NMNAT2: variants seen among roughly 807,000 people sequenced by gnomAD.
NMNAT2 encodes the protein nicotinamide/nicotinic acid mononucleotide adenylyltransferase 2.
NMNAT2 carries 11 observed loss-of-function variants against 41.6 expected under a neutral mutation model. That is an observed-to-expected ratio of 0.26 (90% CI 0.17 to 0.44). NMNAT2 has a LOEUF of 0.44. Among genes scored for constraint, NMNAT2 ranks in the 20% least tolerant of loss-of-function variants. NMNAT2 has a pLI of 1.00. For synonymous variants in NMNAT2, 148 were observed against 151.2 expected, an observed-to-expected ratio of 0.98 and a Z score of 0.16; for missense variants, 288 against 407.7, an observed-to-expected ratio of 0.71 and a Z score of 2.53.
At position 183,339,228 on chromosome 1, in the gene NMNAT2, G is replaced by A. The variant is rs954020239; in HGVS notation, c.86-45435C>T. ...TTCTTCTGCCTCAGCCTCCCAAGTA[G>A]CTGGGACTACAGGTGCCTGCCACCA... On this transcript the variant is annotated intron_variant, in intron 1 of 10. Coordinates refer to ENST00000287713, the MANE Select transcript of NMNAT2 (RefSeq NM_015039.4). 2.6e-5 allele frequency among the ~76,000 whole-genome samples: 4 copies of A among 152,114 alleles called. No individual in the cohort carries two copies. The East Asian group carries it at 7.7e-4, about 29-fold the overall frequency.
intron 1 of NMNAT2, among the ~76,000 whole-genome samples, chr1:183,355,387 A>G (rs1434890333): frequency 6.6e-6 from 1 of 152,172 alleles, no homozygotes; most frequent in East Asian, 1.9e-4. Context: ...TAGGAATGCA[A>G]ATGATTGGGC....
chr1:183,285,756 T>C (rs1397391778), intron 5 of NMNAT2, among the ~76,000 whole-genome samples: 2 of 152,242 alleles, frequency 1.3e-5, no homozygotes, highest in African/African-American at 4.8e-5. Context: ...TTTTCTTCTC[T>C]GAATCTGTAT....
chr1:183,282,655 T>C (rs1661300499), intron 7 of NMNAT2, among the ~76,000 whole-genome samples: 2 of 152,118 alleles, frequency 1.3e-5, no homozygotes, highest in Non-Finnish European at 2.9e-5. Context: ...TGCAGGGAAG[T>C]GGAGTGCAGG....
At chr1:183,267,542 G>T (rs1050876957) in intron 8 of NMNAT2, among the ~76,000 whole-genome samples, 4 of 152,122 alleles carry the variant, frequency 2.6e-5, no homozygotes, top group Non-Finnish European at 5.9e-5. Flanking sequence ...TGAGATACTT[G>T]TGGGACAGGT....
intron 1 of NMNAT2, among the ~76,000 whole-genome samples, chr1:183,346,704 C>CT: frequency 6.6e-6 from 1 of 152,228 alleles, no homozygotes; most frequent in East Asian, 1.9e-4. Context: ...GTCCTCAGCC[C>CT]TTTTTTGTCT....
rs147273559 is a variant in NMNAT2, at chr1:183,273,071, C to T, written c.651+5482G>A. Among the ~76,000 whole-genome samples, 235 of 152,306 alleles carry T rather than the reference C, an allele frequency of 1.5e-3. 3 individuals are homozygous for T. In the Middle Eastern group the frequency reaches 0.031, roughly 20 times the overall value. ...AAACAGGCTTTAGCTTACATTTGTG[C>T]CAATTACCAAGTTTTGGCCAATCAA... On this transcript the variant is annotated intron_variant, in intron 8 of 10. Transcript: ENST00000287713.
intron 1 of NMNAT2, among the ~76,000 whole-genome samples, chr1:183,328,219 A>G (rs1478623750): frequency 6.6e-6 from 1 of 151,446 alleles, no homozygotes; most frequent in Non-Finnish European, 1.5e-5. Context: ...GCAGGCCAGG[A>G]CCCTGGCTTC....
intron 1 of NMNAT2, chr1:183,304,972 G>T (rs192184742): frequency 2.2e-6 from 2 of 901,082 alleles, no homozygotes; most frequent in Non-Finnish European, 3.1e-6. Flanking sequence ...ATATGCTCCC[G>T]CTTGTAGGAG....
rs1210568005 is a variant in NMNAT2, at chr1:183,248,886, A to G, written c.*3755T>C. 7.4e-6 allele frequency: 1 copy of G among 135,468 alleles called. No individual in the cohort carries two copies. Among genetic ancestry groups the G allele is most frequent in the Non-Finnish European group, 1.6e-5 (1 of 63,416 alleles). 8.4% of individuals were successfully genotyped at this position (135,468 alleles called of 1,614,324 possible). ...ACATGCTTCTCTCTCTTAGTCCCCT[A>G]AAAGAGTGTGTGTGTGTGTGTGTGT... On this transcript the variant is annotated 3_prime_UTR_variant, in exon 11 of 11. Coordinates refer to ENST00000287713, the MANE Select transcript of NMNAT2 (RefSeq NM_015039.4).
chr1:183,381,529 C>T (rs575614591), intron 1 of NMNAT2, among the ~76,000 whole-genome samples: 1 of 152,132 alleles, frequency 6.6e-6, no homozygotes, highest in South Asian at 2.1e-4. Context: ...AATCCTATCT[C>T]TACTGAAGAT....
At chr1:183,254,258 A>G (rs1181595652) in intron 10 of NMNAT2, among the ~76,000 whole-genome samples, 1 of 152,104 alleles carries the variant, frequency 6.6e-6, no homozygotes, top group Non-Finnish European at 1.5e-5. Context: ...GTTATCTCTT[A>G]TCTTTTTGAT....
At chr1:183,279,224 C>A (rs1356981253) in intron 7 of NMNAT2, among the ~76,000 whole-genome samples, 1 of 152,188 alleles carries the variant, frequency 6.6e-6, no homozygotes, top group Non-Finnish European at 1.5e-5. Flanking sequence ...TTCCTGGCAC[C>A]CAGGCGCACT....
At chr1:183,345,338 T>G (rs1662904376) in intron 1 of NMNAT2, among the ~76,000 whole-genome samples, 1 of 152,064 alleles carries the variant, frequency 6.6e-6, no homozygotes, top group South Asian at 2.1e-4. Flanking sequence ...AATAAGAAAT[T>G]ATTACCCAAA....
chr1:183,408,707 A>G (rs183699736), intron 1 of NMNAT2, among the ~76,000 whole-genome samples: 120 of 152,346 alleles, frequency 7.9e-4, no homozygotes, highest in African/African-American at 2.6e-3. Context: ...AGAACCTGAT[A>G]TAATATCTAT....
intron 1 of NMNAT2, among the ~76,000 whole-genome samples, chr1:183,401,666 A>C (rs1364844495): frequency 1.3e-5 from 2 of 152,184 alleles, no homozygotes; most frequent in Non-Finnish European, 2.9e-5. Context: ...GAACCAACCC[A>C]AACGTCCATC....
Position 183,285,508 on chromosome 1 carries a change from C to T in NMNAT2, c.449-718G>A, listed in dbSNP as rs1044433009. 3.3e-5 allele frequency among the ~76,000 whole-genome samples: 5 copies of T among 152,254 alleles called. No individual in the cohort carries two copies. The East Asian group carries it at 9.6e-4, about 29-fold the overall frequency. On this transcript the variant is annotated intron_variant, in intron 5 of 10. Coordinates refer to ENST00000287713, the MANE Select transcript of NMNAT2 (RefSeq NM_015039.4). The stretch of plus-strand genomic sequence containing the variant: ...CCAATCCAGAAAAATTTTCTGAGCC[C>T]CCCACATGTAGCTGTATGCAAACTG...
chr1:183,374,273 A>G (rs908788481), intron 1 of NMNAT2, among the ~76,000 whole-genome samples: 7 of 143,672 alleles, frequency 4.9e-5, no homozygotes, highest in African/African-American at 1.7e-4. Context: ...CAAAGGGAAG[A>G]TAGACTTCAG....
chr1:183,401,975 C>T (rs562307769), intron 1 of NMNAT2, among the ~76,000 whole-genome samples: 6 of 151,584 alleles, frequency 4.0e-5, no homozygotes, highest in Non-Finnish European at 7.4e-5. Flanking sequence ...ATGTAAATGA[C>T]GAGTTAATGG....
At chr1:183,410,502 A>G (rs1212351405) in intron 1 of NMNAT2, among the ~76,000 whole-genome samples, 2 of 152,112 alleles carry the variant, frequency 1.3e-5, no homozygotes, top group Non-Finnish European at 2.9e-5. Context: ...TGCAGGTCCA[A>G]CATCTGCCAT....
Sources: allele counts gnomAD v4.1 joint callset (sites outside exome capture counted in the v4.1 genomes callset), GRCh38; gene constraint gnomAD v4.1.1; transcripts MANE v1.5; gene names NCBI Gene and HGNC (gene_info 2026-07-23, HGNC 2026-07-21).